The following PPM1L variants were observed in gnomAD, a reference collection of about 807,000 sequenced individuals.
PPM1L encodes protein phosphatase 1L.
In PPM1L, 13 loss-of-function variants were observed where a neutral mutation model predicts 31.4. That is an observed-to-expected ratio of 0.41 (90% CI 0.27 to 0.66). The LOEUF (loss-of-function observed/expected upper bound fraction) is 0.66, where lower values mean the gene tolerates loss of function less well. Ranked by LOEUF, PPM1L falls within the 30% of genes least tolerant of loss-of-function variation. The pLI is 0.29. For synonymous variants in PPM1L, 184 were observed against 175.4 expected (o/e 1.05, Z -0.39); for missense variants, 326 against 453.7 (o/e 0.72, Z 2.56).
intron 1 of PPM1L, among the ~76,000 whole-genome samples, chr3:160,908,066 G>A (rs1425618472): frequency 3.3e-5 from 5 of 152,190 alleles, no homozygotes; most frequent in Non-Finnish European, 7.3e-5. Flanking sequence ...AGCAAAGAAA[G>A]AAGTTTTTTT....
intron 1 of PPM1L, among the ~76,000 whole-genome samples, chr3:160,767,688 C>T (rs951287961): frequency 1.5e-4 from 23 of 152,090 alleles, no homozygotes; most frequent in African/African-American, 5.3e-4. Context: ...TGATTTAATG[C>T]CCTGTAGCAG....
intron 2 of PPM1L, among the ~76,000 whole-genome samples, chr3:161,043,327 C>T (rs1718965332): frequency 6.6e-6 from 1 of 152,160 alleles, no homozygotes; most frequent in Non-Finnish European, 1.5e-5. Context: ...GGGATTTCAA[C>T]CCACTTACAG....
chr3:160,757,783 C>T (rs1042833657), intron 1 of PPM1L, among the ~76,000 whole-genome samples: 1 of 152,178 alleles, frequency 6.6e-6, no homozygotes, highest in Admixed American at 6.5e-5. Context: ...TTTGATTACA[C>T]CCCTCCCCCG....
intron 2 of PPM1L, among the ~76,000 whole-genome samples, chr3:160,976,030 T>G (rs1403156774): frequency 2.2e-5 from 3 of 135,872 alleles, no homozygotes; most frequent in Non-Finnish European, 4.7e-5. Flanking sequence ...TAGCTCTTAT[T>G]ATTTTGAAAT....
intron 1 of PPM1L, among the ~76,000 whole-genome samples, chr3:160,956,428 A>G (rs1376629020): frequency 6.6e-6 from 1 of 152,178 alleles, no homozygotes; most frequent in Non-Finnish European, 1.5e-5. Flanking sequence ...CATTTAGGAT[A>G]TGTCTGGCTA....
rs1376842695 is a variant in PPM1L, at chr3:160,976,038, A to G, written c.574+14128A>G. 1.1e-4 allele frequency among the ~76,000 whole-genome samples: 14 copies of G among 131,368 alleles called. No homozygotes were observed. The East Asian group carries it at 1.6e-3, about 15-fold the overall frequency. The allele number at this position is 131,368 out of a possible 152,430, so 86.2% of individuals were successfully genotyped here. A position where few individuals can be genotyped will look rare whatever the true frequency, so the allele number is the denominator to read the frequency against. On this transcript the variant is annotated intron_variant, in intron 2 of 3. Coordinates refer to ENST00000498165, the MANE Select transcript of PPM1L (RefSeq NM_139245.4). ...TCATAGATAGCTCTTATTATTTTGA[A>G]ATACGTCCCATCAATACCTAATTTA... is the stretch of plus-strand genomic sequence containing the variant.
intron 1 of PPM1L, among the ~76,000 whole-genome samples, chr3:160,857,454 TG>T (rs935002349): frequency 2.0e-5 from 3 of 152,318 alleles, no homozygotes; most frequent in South Asian, 2.1e-4. Flanking sequence ...GACTAGGAGC[TG>T]TAAGTAAGGT....
Position 161,069,105 on chromosome 3 carries a change from T to C in PPM1L, c.1031T>C (p.Ile344Thr), listed in dbSNP as rs1214561553. The stretch of plus-strand genomic sequence containing the variant: ...TTTTACAGAGGCTGCCCTGACAATA[T>C]AACAGTCATGGTGGTGAAGTTCAGA... ...QSFYRGCPDN[I>T]TVMVVKFRNS... The change falls in exon 4 of 4, where the codon ATA becomes ACA. Residue 344 changes from isoleucine to threonine, a missense_variant. Ile to Thr is a moderately conservative substitution (Grantham distance 89). Transcript: ENST00000498165. The C allele has an allele frequency of 6.2e-7, 1 of 1,614,154 alleles. No individual in the cohort carries two copies.
chr3:161,027,003 T>A (rs898676), intron 2 of PPM1L, among the ~76,000 whole-genome samples: 2 of 152,086 alleles, frequency 1.3e-5, no homozygotes, highest in Admixed American at 1.3e-4. Context: ...ACCTTGGATC[T>A]TGGACAAGTT....
At chr3:160,925,491 C>G (rs1188634134) in intron 1 of PPM1L, among the ~76,000 whole-genome samples, 8 of 152,038 alleles carry the variant, frequency 5.3e-5, no homozygotes, top group Non-Finnish European at 8.8e-5. Flanking sequence ...AATTTAGAGT[C>G]TTGGATTTTT....
chr3:160,786,179 G>A (rs1219358020), intron 1 of PPM1L, among the ~76,000 whole-genome samples: 10 of 70,952 alleles, frequency 1.4e-4, no homozygotes, highest in African/African-American at 9.3e-4. Context: ...GTGTGTGTGT[G>A]TGTGTGTGTA....
rs937838854 is a variant in PPM1L at position 161,001,243 on chromosome 3, AAAC to A, written c.574+39339_574+39341del. On this transcript the variant is annotated intron_variant, in intron 2 of 3. Coordinates refer to ENST00000498165, the MANE Select transcript of PPM1L (RefSeq NM_139245.4). ...AAAACAAAAACAACAACAACAAAAC[AAAC>A]AACAAGAAAATACCCAAGGAACTAA... Among the ~76,000 whole-genome samples the A allele has an allele frequency of 4.8e-3, 729 of 152,268 alleles. 7 individuals are homozygous for A. The highest frequency in any genetic ancestry group is 0.017 in the African/African-American group (694 of 41,544).
At chr3:161,002,890 G>A (rs1717550113) in intron 2 of PPM1L, among the ~76,000 whole-genome samples, 1 of 143,994 alleles carries the variant, frequency 6.9e-6, no homozygotes, top group African/African-American at 2.6e-5. Flanking sequence ...TGCTTTTGGT[G>A]TTTTAGACAT....
rs768283169 is a variant in PPM1L at position 160,756,321 on chromosome 3, A to T, written c.13A>T (p.Thr5Ser). 2 of 1,613,268 alleles carry T rather than the reference A, an allele frequency of 1.2e-6. No individual in the cohort carries two copies. Among genetic ancestry groups the T allele is most frequent in the Non-Finnish European group, 1.7e-6 (2 of 1,179,374 alleles). Reference protein sequence around the residue: MIEDTMTLLSLLGRI... With the variant: MIEDSMTLLSLLGRI... ...CTAGCGATAATAAATGATAGAGGATACAATGACTTTGCTGTCTCTGCTGGG... is the reference window on the plus strand; with the variant it reads ...CTAGCGATAATAAATGATAGAGGATTCAATGACTTTGCTGTCTCTGCTGGG... Residue 5 changes from threonine to serine, a missense_variant, in exon 1 of 4, where the codon ACA (threonine) becomes TCA (serine). Around this residue, in one of 3 missense-constraint regions of PPM1L, gnomAD observed 42 missense variants for 76.1 expected, o/e 0.55. Coordinates refer to ENST00000498165, the MANE Select transcript of PPM1L (RefSeq NM_139245.4). This position sits in a 1 kb window ranked among gnomAD's most constrained non-coding sequence, Gnocchi z 6.2.
intron 2 of PPM1L, among the ~76,000 whole-genome samples, chr3:161,011,308 T>C (rs1388869166): frequency 6.6e-6 from 1 of 152,244 alleles, no homozygotes; most frequent in East Asian, 1.9e-4. Flanking sequence ...GTCAGGTTTG[T>C]CAAAGATCAG....
intron 1 of PPM1L, among the ~76,000 whole-genome samples, chr3:160,953,865 G>A (rs1338079251): frequency 6.6e-6 from 1 of 152,086 alleles, no homozygotes; most frequent in Non-Finnish European, 1.5e-5. Flanking sequence ...TTTGCCCTCA[G>A]CTTTAGCTTC....
At chr3:160,998,759 G>A (rs1003958645) in intron 2 of PPM1L, among the ~76,000 whole-genome samples, 2 of 152,132 alleles carry the variant, frequency 1.3e-5, no homozygotes, top group African/African-American at 4.8e-5. Flanking sequence ...TTATATCACT[G>A]TAATACAAGG....
intron 1 of PPM1L, among the ~76,000 whole-genome samples, chr3:160,814,769 T>A (rs1353118033): frequency 6.6e-6 from 1 of 151,354 alleles, no homozygotes; most frequent in African/African-American, 2.4e-5. Context: ...ATATACCATA[T>A]ATATACACCA....
chr3:160,920,615 T>TCA (rs1162244272), intron 1 of PPM1L, among the ~76,000 whole-genome samples: 1,352 of 28,618 alleles, frequency 0.047, 16 homozygotes, highest in Admixed American at 0.084. Flanking sequence ...TCTCTCTCTC[T>TCA]CACACACACA....
Sources: gnomAD v4.1 joint callset for allele counts (sites outside exome capture counted in the v4.1 genomes callset) on GRCh38, gnomAD v4.1.1 for gene constraint, gnomAD v4.1.1 regional missense constraint, Gnocchi (gnomAD v3.1) non-coding constraint, MANE v1.5 for transcripts, NCBI Gene and HGNC (gene_info 2026-07-23, HGNC 2026-07-21) for gene names.